Variants in EPM2A observed in about 807,000 individuals in gnomAD.
EPM2A encodes EPM2A glucan phosphatase, laforin.
A neutral mutation model predicts 26.5 loss-of-function variants in EPM2A; 21 were observed. That is an observed-to-expected ratio of 0.79 (90% CI 0.56 to 1.14). The LOEUF (loss-of-function observed/expected upper bound fraction) is 1.14. EPM2A is among the 50% of genes most tolerant of loss of function. The pLI is 0.00. For synonymous variants in EPM2A, 217 were observed against 177.6 expected (o/e 1.22, Z -1.76); for missense variants, 458 against 440.8 (o/e 1.04, Z -0.35).
chr6:145,569,569 T>C (rs1190670923), intron 2 of EPM2A, among the ~76,000 whole-genome samples: 1 of 152,208 alleles, frequency 6.6e-6, no homozygotes, highest in Non-Finnish European at 1.5e-5. Flanking sequence ...AGCGATCTCA[T>C]TTGTCCCCAT....
At chr6:145,653,191 C>CT (rs1415662860) in intron 2 of EPM2A, among the ~76,000 whole-genome samples, 1 of 152,198 alleles carries the variant, frequency 6.6e-6, no homozygotes, top group African/African-American at 2.4e-5. Context: ...AAGGAGGGAC[C>CT]TGTAATCCCC....
At chr6:145,585,314 C>T (rs887783920) in intron 2 of EPM2A, among the ~76,000 whole-genome samples, 5 of 152,124 alleles carry the variant, frequency 3.3e-5, no homozygotes, top group South Asian at 4.2e-4. Context: ...GTCATTATTT[C>T]CTCAAATAAT....
chr6:145,447,057 T>C (rs1779136721), intron 4 of EPM2A, among the ~76,000 whole-genome samples: 1 of 152,188 alleles, frequency 6.6e-6, no homozygotes. Flanking sequence ...TTACTTTTCA[T>C]TTATTATATG....
At position 145,528,225 on chromosome 6, in the gene EPM2A, G is replaced by C. The variant is rs1780305856; in HGVS notation, c.341-25650C>G. On this transcript the variant is annotated intron_variant, in intron 2 of 3. Transcript: ENST00000450221. ...ACTGCTAATGAAGAAGCTAAAGCAA[G>C]TTATCCAGAAGAACTAATTAAGATA... is the stretch of plus-strand genomic sequence containing the variant. 2.0e-5 allele frequency among the ~76,000 whole-genome samples: 3 copies of C among 152,246 alleles called. No homozygotes were observed. The South Asian group carries it at 6.2e-4, about 32-fold the overall frequency.
chr6:145,457,365 T>A (rs1283445345), intron 4 of EPM2A, among the ~76,000 whole-genome samples: 2 of 151,282 alleles, frequency 1.3e-5, no homozygotes, highest in Admixed American at 6.6e-5. Flanking sequence ...GTGCCTGTAG[T>A]CCCAGCTACT....
intron 2 of EPM2A, among the ~76,000 whole-genome samples, chr6:145,507,962 C>A (rs1234513412): frequency 6.6e-6 from 1 of 152,142 alleles, no homozygotes; most frequent in Non-Finnish European, 1.5e-5. Flanking sequence ...CTCCAAGGAA[C>A]AGGAGGGAGG....
chr6:145,732,411 C>CACATAT (rs1389627092), intron 1 of EPM2A, among the ~76,000 whole-genome samples: 1 of 56,294 alleles, frequency 1.8e-5, no homozygotes, highest in Non-Finnish European at 4.4e-5. Flanking sequence ...CACACACACA[C>CACATAT]ATATATATAT....
At chr6:145,716,494 T>C (rs1054271475) in intron 1 of EPM2A, among the ~76,000 whole-genome samples, 1 of 152,124 alleles carries the variant, frequency 6.6e-6, no homozygotes, top group African/African-American at 2.4e-5. Context: ...AAAATATCAG[T>C]AGAGACTGCT....
At chr6:145,432,673 A>AT (rs1289166224) in intron 4 of EPM2A, among the ~76,000 whole-genome samples, 1 of 152,162 alleles carries the variant, frequency 6.6e-6, no homozygotes, top group African/African-American at 2.4e-5. Context: ...GTAAATGAGT[A>AT]TTGTCTTCAA....
intron 2 of EPM2A, among the ~76,000 whole-genome samples, chr6:145,616,648 C>CT (rs1775519577): frequency 6.6e-6 from 1 of 152,270 alleles, no homozygotes; most frequent in Non-Finnish European, 1.5e-5. Context: ...GGGCTATACC[C>CT]TGCAAAGCCA....
At chr6:145,421,717 A>G (rs1363568459) in intron 4 of EPM2A, among the ~76,000 whole-genome samples, 2 of 151,982 alleles carry the variant, frequency 1.3e-5, no homozygotes, top group East Asian at 1.9e-4. Context: ...TTAAAGAAAG[A>G]TAATATGTGA....
intron 3 of EPM2A, among the ~76,000 whole-genome samples, chr6:145,502,314 C>T (rs1174543198): frequency 6.6e-6 from 1 of 152,252 alleles, no homozygotes; most frequent in Admixed American, 6.5e-5. Context: ...CCTCCCATGG[C>T]TTCCATCTGC....
At chr6:145,489,918 A>C in intron 4 of EPM2A, 1 of 1,352,500 alleles carries the variant, frequency 7.4e-7, no homozygotes, top group Non-Finnish European at 1.1e-6. Context: ...TCTGAATTCG[A>C]CCCACTTCTA....
chr6:145,549,551 C>T (rs924309276), intron 2 of EPM2A, among the ~76,000 whole-genome samples: 3 of 152,106 alleles, frequency 2.0e-5, no homozygotes, highest in African/African-American at 7.2e-5. Flanking sequence ...AATTGTCACA[C>T]TTCTTAGTCC....
chr6:145,571,045 C>A (rs1186205032), intron 2 of EPM2A, among the ~76,000 whole-genome samples: 1 of 152,278 alleles, frequency 6.6e-6, no homozygotes, highest in Non-Finnish European at 1.5e-5. Flanking sequence ...GGAACTAAGA[C>A]CTCTAGGCCA....
chr6:145,712,602 A>AT (rs1280934876), intron 1 of EPM2A, among the ~76,000 whole-genome samples: 1 of 152,168 alleles, frequency 6.6e-6, no homozygotes, highest in Non-Finnish European at 1.5e-5. Flanking sequence ...AGTTTTGGAG[A>AT]TTCTCAAGGC....
At chr6:145,449,091 G>T (rs190739571) in intron 4 of EPM2A, among the ~76,000 whole-genome samples, 9 of 152,310 alleles carry the variant, frequency 5.9e-5, no homozygotes, top group African/African-American at 2.2e-4. Context: ...GATGCAGAAT[G>T]TCTAATGATA....
At chr6:145,693,390 T>C (rs1476011867) in intron 1 of EPM2A, among the ~76,000 whole-genome samples, 2 of 152,048 alleles carry the variant, frequency 1.3e-5, no homozygotes, top group African/African-American at 4.8e-5. Flanking sequence ...TCTTCCTATT[T>C]GGATGTGGAG....
At chr6:145,390,439 T>C (rs1449948710) in intron 4 of EPM2A, among the ~76,000 whole-genome samples, 1 of 152,122 alleles carries the variant, frequency 6.6e-6, no homozygotes, top group Non-Finnish European at 1.5e-5. Flanking sequence ...AACTTTCCAA[T>C]TCCTAGGCTG....
Sources: allele counts gnomAD v4.1 joint callset (sites outside exome capture counted in the v4.1 genomes callset), GRCh38; gene constraint gnomAD v4.1.1; transcripts MANE v1.5; gene names NCBI Gene and HGNC (gene_info 2026-07-23, HGNC 2026-07-21).